The following CNPY1 variants were observed in gnomAD, a reference collection of about 807,000 sequenced individuals.
CNPY1 encodes the protein canopy FGF signaling regulator 1.
In CNPY1, 14 loss-of-function variants were observed where a neutral mutation model predicts 14.4. That is an observed-to-expected ratio of 0.97 (90% CI 0.64 to 1.52). CNPY1 has a LOEUF of 1.52. Among genes scored for constraint, CNPY1 ranks in the 40% most tolerant of loss-of-function variants. The pLI is 0.00. For synonymous variants in CNPY1, 43 were observed against 46.5 expected (o/e 0.92, Z 0.31); for missense variants, 129 against 131.5 (o/e 0.98, Z 0.09).
chr7:155,534,228 C>A (rs1408530389), intron 2 of CNPY1, among the ~76,000 whole-genome samples: 2 of 152,230 alleles, frequency 1.3e-5, no homozygotes, highest in Non-Finnish European at 2.9e-5. Flanking sequence ...TGCCAGCCCA[C>A]GCAGCTGCTC....
At chr7:155,511,240 T>G (rs1284383291) in intron 2 of CNPY1, among the ~76,000 whole-genome samples, 2 of 152,226 alleles carry the variant, frequency 1.3e-5, no homozygotes, top group East Asian at 3.8e-4. Flanking sequence ...TTTCAGAAAC[T>G]TAGGCCTTCC....
At chr7:155,537,180 C>T (rs1010434017) in intron 2 of CNPY1, among the ~76,000 whole-genome samples, 4 of 152,100 alleles carry the variant, frequency 2.6e-5, no homozygotes, top group African/African-American at 9.7e-5. Context: ...AAGAGCAGGT[C>T]CTTGGCCAAT....
intron 4 of CNPY1, chr7:155,506,595 T>C (rs9654684): frequency 0.081 from 12,761 of 158,218 alleles, 1,755 homozygotes; most frequent in African/African-American, 0.29. Context: ...TTTAGAAAGT[T>C]CTTACAAAAT....
At chr7:155,507,693 T>G (rs1796376003) in intron 3 of CNPY1, among the ~76,000 whole-genome samples, 1 of 152,006 alleles carries the variant, frequency 6.6e-6, no homozygotes, top group South Asian at 2.1e-4. Flanking sequence ...TAGAGATCCA[T>G]CCAACATTTC....
In CNPY1 at chr7:155,509,222, C is replaced by G. The variant is rs771828876; in HGVS notation, c.100-125G>C. 1.8e-4 allele frequency: 101 copies of G among 567,422 alleles called. 1 individual carries two copies. Among genetic ancestry groups the G allele is most frequent in the African/African-American group, 1.8e-3 (92 of 52,436 alleles). The allele number at this position is 567,422 out of a possible 1,614,324, so 35.1% of individuals were successfully genotyped here. On this transcript the variant is annotated intron_variant, in intron 2 of 4. Transcript: ENST00000636446. ...GCAAACGTGTGCCACTTCCCTAGCACGGGCCCAGAAGACGGTACCGCAGAT... is the reference window on the plus strand; with the variant it reads ...GCAAACGTGTGCCACTTCCCTAGCAGGGGCCCAGAAGACGGTACCGCAGAT...
intron 2 of CNPY1, among the ~76,000 whole-genome samples, chr7:155,534,563 C>G (rs1797000715): frequency 6.6e-6 from 1 of 152,222 alleles, no homozygotes; most frequent in Non-Finnish European, 1.5e-5. Context: ...GAAGGCGGAT[C>G]AGCTGCAGGG....
chr7:155,539,692 A>G lies in CNPY1; in HGVS notation c.99+6139T>C, dbSNP rs540751324. Reference sequence around the variant, plus strand: ...GACTGAAAAACAGATTAACGGGGGGAAAAAAGCAGACAAACATTCATGTGT... The same window carrying G: ...GACTGAAAAACAGATTAACGGGGGGGAAAAAGCAGACAAACATTCATGTGT... On this transcript the variant is annotated intron_variant, in intron 2 of 4. Transcript: ENST00000636446. Among the ~76,000 whole-genome samples the G allele has an allele frequency of 1.4e-3, 215 of 152,042 alleles. 1 individual carries two copies. The Middle Eastern group carries it at 0.024, about 17-fold the overall frequency.
At chr7:155,522,718 C>A (rs1207395270) in intron 2 of CNPY1, among the ~76,000 whole-genome samples, 1 of 152,222 alleles carries the variant, frequency 6.6e-6, no homozygotes, top group East Asian at 1.9e-4. Flanking sequence ...CTGTCTACAC[C>A]ACCATGCACA....
chr7:155,539,724 A>G (rs1281672744), intron 2 of CNPY1, among the ~76,000 whole-genome samples: 3 of 152,202 alleles, frequency 2.0e-5, no homozygotes, highest in Non-Finnish European at 2.9e-5. Context: ...GTGTGTTAGC[A>G]TGGGAGCCAT....
intron 2 of CNPY1, among the ~76,000 whole-genome samples, chr7:155,535,815 A>C (rs1797017185): frequency 6.6e-6 from 1 of 152,136 alleles, no homozygotes; most frequent in Admixed American, 6.5e-5. Flanking sequence ...TGTGATTTGG[A>C]AGGCGGTGGA....
In CNPY1 at chr7:155,542,929, G is replaced by A. The variant is rs1389597321; in HGVS notation, c.99+2902C>T. 4.0e-5 allele frequency among the ~76,000 whole-genome samples: 6 copies of A among 150,586 alleles called. No homozygotes were observed. In the East Asian group the frequency reaches 7.9e-4, roughly 20 times the overall value. On this transcript the variant is annotated intron_variant, in intron 2 of 4. Coordinates refer to ENST00000636446, the MANE Select transcript of CNPY1 (RefSeq NM_001393663.1). Reference sequence around the variant, plus strand: ...CGAGGCTAGACGGAGAGAATAGCCCGGTATGGACACAGGCCGCTTTGCACA... The same window carrying A: ...CGAGGCTAGACGGAGAGAATAGCCCAGTATGGACACAGGCCGCTTTGCACA...
chr7:155,531,530 C>G (rs75077702), intron 2 of CNPY1, among the ~76,000 whole-genome samples: 4,174 of 152,276 alleles, frequency 0.027, 191 homozygotes, highest in African/African-American at 0.095. Context: ...GACTTATAGG[C>G]TGCTCAAAGT....
chr7:155,537,871 G>A (rs1287927480), intron 2 of CNPY1, among the ~76,000 whole-genome samples: 1 of 151,990 alleles, frequency 6.6e-6, no homozygotes, highest in African/African-American at 2.4e-5. Context: ...AAAACTTTAT[G>A]TTTTAAATTT....
chr7:155,530,296 C>CCT (rs35154806), intron 2 of CNPY1, among the ~76,000 whole-genome samples: 1 of 96,928 alleles, frequency 1.0e-5, no homozygotes, highest in African/African-American at 4.0e-5. Flanking sequence ...CCAGCAGGGT[C>CCT]TTTTTTTTTT....
At chr7:155,531,411 C>T (rs530766510) in intron 2 of CNPY1, among the ~76,000 whole-genome samples, 1 of 152,292 alleles carries the variant, frequency 6.6e-6, no homozygotes, top group African/African-American at 2.4e-5. Context: ...AGGCTAGCCA[C>T]GACATTTAAG....
At position 155,507,471 on chromosome 7, in the gene CNPY1, T is replaced by TAAAAAAAAAAAAAAAAAAAAAAA. The variant is rs35711313; in HGVS notation, c.304-378_304-356dup. Among the ~76,000 whole-genome samples, 15 of 54,144 alleles carry TAAAAAAAAAAAAAAAAAAAAAAA rather than the reference T, an allele frequency of 2.8e-4. 1 individual carries two copies. The highest frequency in any genetic ancestry group is 1.4e-3 in the African/African-American group (14 of 10,108). 35.5% of individuals were successfully genotyped at this position (54,144 alleles called of 152,430 possible). A position where few individuals can be genotyped will look rare whatever the true frequency, so the allele number is the denominator to read the frequency against. ...CTGAAAAGTCCAACGGTTTTTAAAC[T>TAAAAAAAAAAAAAAAAAAAAAAA]AAAAAAAAAAAAAAAAAAAAAAAAA... On this transcript the variant is annotated intron_variant, in intron 3 of 4. Transcript: ENST00000636446.
chr7:155,517,334 C>T (rs1259052329), intron 2 of CNPY1, among the ~76,000 whole-genome samples: 2 of 152,210 alleles, frequency 1.3e-5, no homozygotes, highest in African/African-American at 4.8e-5. Flanking sequence ...TCAGGAGAAA[C>T]CAGCCCTGAG....
intron 4 of CNPY1, among the ~76,000 whole-genome samples, chr7:155,504,544 A>G (rs186392211): frequency 1.2e-3 from 176 of 152,348 alleles, no homozygotes; most frequent in African/African-American, 4.0e-3. Context: ...TAAAGTTTCA[A>G]TAAAACCTCT....
intron 2 of CNPY1, among the ~76,000 whole-genome samples, chr7:155,530,806 G>T (rs544125663): frequency 6.6e-6 from 1 of 152,186 alleles, no homozygotes. Context: ...TGTGCACTGC[G>T]GTGCTGAGCA....
Sources: gnomAD v4.1 joint callset for allele counts (sites outside exome capture counted in the v4.1 genomes callset) on GRCh38, gnomAD v4.1.1 for gene constraint, MANE v1.5 for transcripts, NCBI Gene and HGNC (gene_info 2026-07-23, HGNC 2026-07-21) for gene names.